Variants in SLC25A13 observed in about 807,000 individuals in gnomAD.
SLC25A13 encodes solute carrier family 25 member 13, also known as electrogenic aspartate/glutamate antiporter SLC25A13, mitochondrial.
A neutral mutation model predicts 85.5 loss-of-function variants in SLC25A13; 70 were observed. The ratio of observed to expected loss-of-function variants is 0.82; its 90% CI spans 0.68 to 1.00. The LOEUF (loss-of-function observed/expected upper bound fraction) is 1.00, where lower values mean the gene tolerates loss of function less well. Among genes scored for constraint, SLC25A13 ranks in the 50% least tolerant of loss-of-function variants. The pLI, the probability that SLC25A13 is intolerant of heterozygous loss-of-function variation, is 0.00. For missense variants in SLC25A13, 765 were observed against 819.8 expected, an observed-to-expected ratio of 0.93 and a Z score of 0.82; for synonymous variants, 259 against 288.7, an observed-to-expected ratio of 0.90 and a Z score of 1.04.
At chr7:96,187,918 G>C (rs908159563) in intron 9 of SLC25A13, among the ~76,000 whole-genome samples, 3 of 152,146 alleles carry the variant, frequency 2.0e-5, no homozygotes, top group African/African-American at 7.2e-5. Context: ...AAACCTCTAA[G>C]CGGCAGCGAA....
intron 5 of SLC25A13, among the ~76,000 whole-genome samples, chr7:96,205,796 A>T (rs1795436852): frequency 6.6e-6 from 1 of 152,236 alleles, no homozygotes; most frequent in Non-Finnish European, 1.5e-5. Flanking sequence ...CATGTAAGCA[A>T]TGCCCAGGAC....
intron 4 of SLC25A13, among the ~76,000 whole-genome samples, chr7:96,234,075 G>C (rs899996086): frequency 4.6e-5 from 7 of 152,224 alleles, no homozygotes; most frequent in African/African-American, 1.7e-4. Context: ...ACACCACAGA[G>C]TCCAAGGGAA....
chr7:96,189,038 C>T (rs758199516), intron 9 of SLC25A13, among the ~76,000 whole-genome samples: 1 of 152,192 alleles, frequency 6.6e-6, no homozygotes, highest in Non-Finnish European at 1.5e-5. Flanking sequence ...TTCATGTTTT[C>T]GGAGCATTAG....
chr7:96,145,574 T>A (rs2116477841), intron 14 of SLC25A13, among the ~76,000 whole-genome samples: 1 of 152,278 alleles, frequency 6.6e-6, no homozygotes, highest in African/African-American at 2.4e-5. Flanking sequence ...AAAAAAGCAA[T>A]TGACTGTCTT....
At chr7:96,236,637 T>C (rs1175543879) in intron 3 of SLC25A13, among the ~76,000 whole-genome samples, 1 of 152,176 alleles carries the variant, frequency 6.6e-6, no homozygotes, top group African/African-American at 2.4e-5. Flanking sequence ...AAAAAGTTAA[T>C]GACCTGGGTT....
chr7:96,172,076 C>A (rs1463104326), intron 11 of SLC25A13, among the ~76,000 whole-genome samples: 3 of 152,030 alleles, frequency 2.0e-5, no homozygotes, highest in South Asian at 2.1e-4. Flanking sequence ...ATTGGAAGTA[C>A]AATTTTCTAA....
chr7:96,156,351 C>T (rs1334481785), intron 13 of SLC25A13, among the ~76,000 whole-genome samples: 1 of 152,160 alleles, frequency 6.6e-6, no homozygotes, highest in Non-Finnish European at 1.5e-5. Context: ...GGCTGGAGTG[C>T]AGTAGTGCAA....
At chr7:96,188,435 C>T (rs1260388777) in intron 9 of SLC25A13, among the ~76,000 whole-genome samples, 1 of 152,192 alleles carries the variant, frequency 6.6e-6, no homozygotes. Context: ...CCTGCAGCAA[C>T]CCATTGTGGT....
intron 4 of SLC25A13, among the ~76,000 whole-genome samples, chr7:96,225,800 G>C (rs1796309770): frequency 6.6e-6 from 1 of 152,064 alleles, no homozygotes; most frequent in African/African-American, 2.4e-5. Context: ...CACTTAGCCT[G>C]CTTTACATAC....
chr7:96,276,661 A>G (rs774016760), intron 3 of SLC25A13, among the ~76,000 whole-genome samples: 7 of 152,166 alleles, frequency 4.6e-5, no homozygotes, highest in Non-Finnish European at 7.3e-5. Flanking sequence ...AAATGGAAGC[A>G]GAGAAGACTG....
intron 15 of SLC25A13, among the ~76,000 whole-genome samples, chr7:96,131,058 G>A (rs967759801): frequency 7.2e-5 from 11 of 152,158 alleles, no homozygotes; most frequent in African/African-American, 2.4e-4. Flanking sequence ...GACCGCCTTA[G>A]GGTTTGTTAA....
At chr7:96,178,801 T>C (rs1794318233) in intron 11 of SLC25A13, among the ~76,000 whole-genome samples, 1 of 152,188 alleles carries the variant, frequency 6.6e-6, no homozygotes, top group South Asian at 2.1e-4. Flanking sequence ...CATTTGTCTG[T>C]CTGCTTTTGA....
chr7:96,213,981 T>C (rs1795794080), intron 4 of SLC25A13, among the ~76,000 whole-genome samples: 1 of 152,174 alleles, frequency 6.6e-6, no homozygotes, highest in Non-Finnish European at 1.5e-5. Flanking sequence ...ACAAGCTATG[T>C]TTGGAAGGCC....
chr7:96,191,881 A>G (rs1267241130), intron 6 of SLC25A13, among the ~76,000 whole-genome samples: 2 of 152,174 alleles, frequency 1.3e-5, no homozygotes, highest in Non-Finnish European at 1.5e-5. Flanking sequence ...TTAAGAAACC[A>G]TATTTCTTCA....
At chr7:96,153,769 GA>G (rs1793140576) in intron 13 of SLC25A13, among the ~76,000 whole-genome samples, 1 of 152,154 alleles carries the variant, frequency 6.6e-6, no homozygotes, top group African/African-American at 2.4e-5. Context: ...TTCAAAAGGG[GA>G]CCCGACATTC....
At chr7:96,299,749 A>G (rs1014250994) in intron 1 of SLC25A13, among the ~76,000 whole-genome samples, 1 of 152,246 alleles carries the variant, frequency 6.6e-6, no homozygotes, top group Non-Finnish European at 1.5e-5. Flanking sequence ...TTGTGTGAAC[A>G]TCATATAGTG....
rs75875604 is a variant in SLC25A13, at chr7:96,215,407, T to C, written c.329-6430A>G. The stretch of plus-strand genomic sequence containing the variant: ...ACCACGCCTGGCACGAATTTGGATT[T>C]CAAGCTTACTACAAAGCTAGAGTAA... On this transcript the variant is annotated intron_variant, in intron 4 of 17. Transcript: ENST00000265631. 9.1e-3 allele frequency among the ~76,000 whole-genome samples: 1,379 copies of C among 152,262 alleles called. 22 individuals are homozygous for C. Among genetic ancestry groups the C allele is most frequent in the African/African-American group, 0.032 (1,325 of 41,548 alleles).
At chr7:96,122,508 C>T (rs1584335419) in intron 15 of SLC25A13, among the ~76,000 whole-genome samples, 1 of 152,146 alleles carries the variant, frequency 6.6e-6, no homozygotes, top group Non-Finnish European at 1.5e-5. Context: ...CCCAACCTCT[C>T]CAGTTACACC....
At chr7:96,170,163 T>A (rs1793939517) in intron 12 of SLC25A13, 38 bp from the exon 13 acceptor site, 1 of 1,569,748 alleles carries the variant, frequency 6.4e-7, no homozygotes, top group Non-Finnish European at 8.8e-7. Flanking sequence ...ATGAAAAATA[T>A]AAAGAAAGTC....
Sources: allele counts gnomAD v4.1 joint callset (sites outside exome capture counted in the v4.1 genomes callset), GRCh38; gene constraint gnomAD v4.1.1; transcripts MANE v1.5; gene names NCBI Gene and HGNC (gene_info 2026-07-23, HGNC 2026-07-21).